SHISA9: variants seen among roughly 807,000 people sequenced by gnomAD.
SHISA9 encodes the protein shisa family member 9.
In SHISA9, 13 loss-of-function variants were observed where a neutral mutation model predicts 38.0. That is an observed-to-expected ratio of 0.34 (90% CI 0.22 to 0.54). The LOEUF is 0.54. SHISA9 is among the 20% of genes least tolerant of loss of function. The pLI, the probability that SHISA9 is intolerant of heterozygous loss-of-function variation, is 0.91. For synonymous variants in SHISA9, 275 were observed against 242.0 expected (o/e 1.14, Z -1.27); for missense variants, 538 against 575.8 (o/e 0.93, Z 0.67).
At chr16:13,470,086 T>G in the SHISA9 span, among the ~76,000 whole-genome samples, 2 of 152,032 alleles carry the variant, frequency 1.3e-5, no homozygotes, top group South Asian at 2.1e-4. Flanking sequence ...CTTTCCCCTA[T>G]TTACTCTTCT....
chr16:13,232,357 G>A (rs1303758213), intron 4 of SHISA9, among the ~76,000 whole-genome samples: 1 of 151,504 alleles, frequency 6.6e-6, no homozygotes, highest in Non-Finnish European at 1.5e-5. Flanking sequence ...AGAAAAGAAA[G>A]TGTCAGCAAA....
At chr16:13,424,004 A>C in the SHISA9 span, among the ~76,000 whole-genome samples, 2,829 of 152,322 alleles carry the variant, frequency 0.019, 89 homozygotes, top group African/African-American at 0.065. Context: ...GGTCAAGTCC[A>C]CCCAGGTAAT....
the SHISA9 span, among the ~76,000 whole-genome samples, chr16:13,548,168 G>T: frequency 6.6e-6 from 1 of 152,080 alleles, no homozygotes; most frequent in Non-Finnish European, 1.5e-5. Flanking sequence ...TCCACATGGA[G>T]AATAAGACTG....
rs149692871 is a variant in SHISA9 at position 12,939,322 on chromosome 16, A to G, written c.691+22507A>G. Among the ~76,000 whole-genome samples the G allele has an allele frequency of 2.5e-3, 384 of 152,224 alleles. 1 individual carries two copies. Among genetic ancestry groups the G allele is most frequent in the African/African-American group, 8.9e-3 (370 of 41,532 alleles). On this transcript the variant is annotated intron_variant, in intron 2 of 4. Coordinates refer to ENST00000558583, the MANE Select transcript of SHISA9 (RefSeq NM_001145204.3). ...TGGTCTCAAACTCCTGACCTCAGGC[A>G]ATCCACCCATCTTGGCCTCCCAAAG...
the SHISA9 span, among the ~76,000 whole-genome samples, chr16:13,416,428 A>G: frequency 4.6e-5 from 7 of 152,322 alleles, no homozygotes. Context: ...GCCCACCTCC[A>G]GTTTAACCAT....
chr16:13,333,117 G>A, the SHISA9 span, among the ~76,000 whole-genome samples: 2 of 152,164 alleles, frequency 1.3e-5, no homozygotes, highest in African/African-American at 4.8e-5. Flanking sequence ...TTCTCTCCAG[G>A]GCAGCTTTTG....
chr16:13,298,949 C>T, the SHISA9 span, among the ~76,000 whole-genome samples: 1 of 152,174 alleles, frequency 6.6e-6, no homozygotes, highest in Non-Finnish European at 1.5e-5. Context: ...AAGCTCCCTG[C>T]ATGGGGTGCC....
At chr16:13,259,664 T>C in the SHISA9 span, among the ~76,000 whole-genome samples, 1 of 152,218 alleles carries the variant, frequency 6.6e-6, no homozygotes, top group East Asian at 1.9e-4. Flanking sequence ...ACATGCTCAG[T>C]ACCACATAGA....
At chr16:13,057,486 G>C (rs1346520837) in intron 2 of SHISA9, among the ~76,000 whole-genome samples, 1 of 152,000 alleles carries the variant, frequency 6.6e-6, no homozygotes, top group Non-Finnish European at 1.5e-5. Flanking sequence ...TCTCCAGGGA[G>C]GTTTATTAAA....
the SHISA9 span, among the ~76,000 whole-genome samples, chr16:13,259,566 C>G: frequency 2.0e-5 from 3 of 152,252 alleles, no homozygotes; most frequent in East Asian, 5.8e-4. Flanking sequence ...CTGCAGCAAA[C>G]TTTTACCTAT....
chr16:13,306,282 T>G, the SHISA9 span, among the ~76,000 whole-genome samples: 3 of 152,118 alleles, frequency 2.0e-5, no homozygotes, highest in Non-Finnish European at 4.4e-5. Context: ...GACTGGATTT[T>G]GTTGTTGTTG....
At chr16:13,193,717 G>A (rs892440938) in intron 2 of SHISA9, among the ~76,000 whole-genome samples, 4 of 152,200 alleles carry the variant, frequency 2.6e-5, no homozygotes, top group Non-Finnish European at 5.9e-5. Context: ...GGAGAGAAAG[G>A]AGGGAGAATG....
the SHISA9 span, among the ~76,000 whole-genome samples, chr16:13,293,350 C>T: frequency 6.6e-6 from 1 of 152,120 alleles, no homozygotes; most frequent in African/African-American, 2.4e-5. Context: ...TATGGCTAGT[C>T]AACCATTAAG....
the SHISA9 span, among the ~76,000 whole-genome samples, chr16:13,355,478 G>C: frequency 6.6e-6 from 1 of 152,054 alleles, no homozygotes; most frequent in Non-Finnish European, 1.5e-5. Flanking sequence ...GCGGCAATGA[G>C]ATATAGCTGT....
intron 4 of SHISA9, among the ~76,000 whole-genome samples, chr16:13,217,754 G>T (rs1188363889): frequency 6.6e-6 from 1 of 152,194 alleles, no homozygotes; most frequent in South Asian, 2.1e-4. Context: ...ACTAGGCCGG[G>T]CGTGGTGGCT....
chr16:12,909,754 A>C (rs1490446622), intron 1 of SHISA9: 1 of 215,126 alleles, frequency 4.6e-6, no homozygotes, highest in African/African-American at 2.4e-5. Context: ...TCATTTTTAC[A>C]TTATGGTCTA....
rs1411764572 is a variant in SHISA9 at position 13,210,685 on chromosome 16, C to T, written c.848-2568C>T. Among the ~76,000 whole-genome samples the T allele has an allele frequency of 6.6e-5, 10 of 152,304 alleles. 1 individual carries two copies. The East Asian group carries it at 1.2e-3, about 18-fold the overall frequency. Reference sequence around the variant, plus strand: ...TTTTCAAGTTAGGGCAGAAAGGGGGCTCACATCACTGAGCTCATAAACAGC... The same window carrying T: ...TTTTCAAGTTAGGGCAGAAAGGGGGTTCACATCACTGAGCTCATAAACAGC... On this transcript the variant is annotated intron_variant, in intron 3 of 4. Transcript: ENST00000558583.
the SHISA9 span, among the ~76,000 whole-genome samples, chr16:13,288,864 G>A: frequency 3.3e-5 from 5 of 152,108 alleles, no homozygotes; most frequent in African/African-American, 1.2e-4. Flanking sequence ...TTGGACTAGG[G>A]AACTCATTTA....
At chr16:13,490,726 T>C in the SHISA9 span, among the ~76,000 whole-genome samples, 1 of 152,204 alleles carries the variant, frequency 6.6e-6, no homozygotes, top group Admixed American at 6.5e-5. Context: ...ATGTTCTGTG[T>C]CTTCTTCCCT....
Sources: allele counts gnomAD v4.1 joint callset (sites outside exome capture counted in the v4.1 genomes callset), GRCh38; gene constraint gnomAD v4.1.1; transcripts MANE v1.5; gene names NCBI Gene and HGNC (gene_info 2026-07-23, HGNC 2026-07-21).